TP63: variants seen among roughly 807,000 people sequenced by gnomAD.
TP63 encodes the protein tumor protein p63, also known as tumor protein 63.
TP63 carries 17 observed loss-of-function variants against 82.8 expected under a neutral mutation model. The ratio of observed to expected loss-of-function variants is 0.21; its 90% CI spans 0.14 to 0.31. TP63 has a LOEUF of 0.31. TP63 is among the 10% of genes least tolerant of loss of function. The pLI, the probability that TP63 is intolerant of heterozygous loss-of-function variation, is 1.00. For synonymous variants in TP63, 330 were observed against 321.7 expected, an observed-to-expected ratio of 1.03 and a Z score of -0.28; for missense variants, 648 against 895.3, an observed-to-expected ratio of 0.72 and a Z score of 3.52.
rs1717423544 is a variant in TP63 at position 189,864,342 on chromosome 3, C to G, written c.690C>G (p.Val230=). 6.2e-7 allele frequency: 1 copy of G among 1,614,010 alleles called. No homozygotes were observed. Among genetic ancestry groups the G allele is most frequent in the South Asian group, 1.1e-5 (1 of 91,076 alleles). ...GAGCTGTTATCCGCGCCATGCCTGT[C>G]TACAAAAAAGCTGAGCACGTCACGG... ...PQGAVIRAMP[V]YKKAEHVTEV... is the part of the protein sequence containing the mutation. The change falls in exon 5 of 14, where the codon GTC becomes GTG. Residue 230 remains valine (V), a synonymous_variant. Coordinates refer to ENST00000264731, the MANE Select transcript of TP63 (RefSeq NM_003722.5).
the TP63 span, among the ~76,000 whole-genome samples, chr3:189,610,761 A>G: frequency 2.8e-4 from 42 of 152,248 alleles, no homozygotes; most frequent in African/African-American, 9.4e-4. Flanking sequence ...TACTGTTTTA[A>G]TCCATTTTCA....
At chr3:189,705,738 G>C (rs1264080703) in intron 1 of TP63, among the ~76,000 whole-genome samples, 1 of 152,108 alleles carries the variant, frequency 6.6e-6, no homozygotes, top group Non-Finnish European at 1.5e-5. Context: ...TATTCTCAAG[G>C]GGGGTACACT....
intron 4 of TP63, among the ~76,000 whole-genome samples, chr3:189,816,440 A>G (rs903397397): frequency 6.6e-6 from 1 of 152,158 alleles, no homozygotes; most frequent in African/African-American, 2.4e-5. Context: ...AAGTCTATGC[A>G]ATTGTTCCTA....
At chr3:189,806,040 CTTTTTTTTTTTT>C (rs34836784) in intron 3 of TP63, among the ~76,000 whole-genome samples, 25 of 52,078 alleles carry the variant, frequency 4.8e-4, no homozygotes, top group South Asian at 3.5e-3. Context: ...GAAGCAAACA[CTTTTTTTTTTTT>C]TTTTTTTTTT....
At chr3:189,664,335 A>G (rs748946522) in intron 1 of TP63, among the ~76,000 whole-genome samples, 1 of 152,200 alleles carries the variant, frequency 6.6e-6, no homozygotes, top group Non-Finnish European at 1.5e-5. Flanking sequence ...GAAGGGCAGT[A>G]CTATGCTCAA....
chr3:189,714,400 G>C (rs953640978), intron 1 of TP63, among the ~76,000 whole-genome samples: 1 of 152,138 alleles, frequency 6.6e-6, no homozygotes. Context: ...CCTAAGAACA[G>C]AATATAACCG....
intron 1 of TP63, among the ~76,000 whole-genome samples, chr3:189,711,395 G>A (rs913043879): frequency 1.1e-4 from 17 of 152,272 alleles, no homozygotes; most frequent in African/African-American, 4.1e-4. Context: ...TGTTTACAAT[G>A]ACAACATTAG....
rs1401203192 is a variant in TP63 at position 189,808,358 on chromosome 3, C to G, written c.411C>G (p.Asp137Glu). The G allele has an allele frequency of 1.4e-5, 22 of 1,614,088 alleles. No homozygotes were observed. The highest frequency in any genetic ancestry group is 1.7e-5 in the Non-Finnish European group (20 of 1,180,052). ...GSSSTSPYNTDHAQNSVTAPS... is the reference protein window; with the variant it reads ...GSSSTSPYNTEHAQNSVTAPS... ...CGTCCACCAGTCCCTATAACACAGACCACGCGCAGAACAGCGTCACGGCGC... is the reference window on the plus strand; with the variant it reads ...CGTCCACCAGTCCCTATAACACAGAGCACGCGCAGAACAGCGTCACGGCGC... The change falls in exon 4 of 14, where the codon GAC becomes GAG. Residue 137 changes from aspartate to glutamate, a missense_variant. Transcript: ENST00000264731.
At chr3:189,743,167 A>G (rs760976372) in intron 3 of TP63, among the ~76,000 whole-genome samples, 12 of 152,194 alleles carry the variant, frequency 7.9e-5, no homozygotes, top group Admixed American at 2.6e-4. Context: ...GGAAAAAGAT[A>G]TAGGTAATTC....
intron 1 of TP63, among the ~76,000 whole-genome samples, chr3:189,725,245 G>A (rs1486452869): frequency 1.3e-5 from 2 of 152,112 alleles, no homozygotes; most frequent in African/African-American, 2.4e-5. Context: ...TACTTTGAAT[G>A]TTAAGGAATT....
the TP63 span, among the ~76,000 whole-genome samples, chr3:189,598,300 G>C: frequency 6.6e-6 from 1 of 150,536 alleles, no homozygotes; most frequent in Non-Finnish European, 1.5e-5. Flanking sequence ...GGGACAGCAG[G>C]AGAGGGGAGG....
upstream of TP63, among the ~76,000 whole-genome samples, chr3:189,627,784 G>T (rs1309094714): frequency 1.3e-5 from 2 of 152,080 alleles, no homozygotes; most frequent in Non-Finnish European, 2.9e-5. Context: ...GGGTAATAGG[G>T]TTGTTGGAAT....
chr3:189,800,568 G>T (rs966827823), intron 3 of TP63, among the ~76,000 whole-genome samples: 2 of 151,994 alleles, frequency 1.3e-5, no homozygotes, highest in Admixed American at 6.6e-5. Context: ...AAATGTGAGT[G>T]ATTCCTATTT....
intron 4 of TP63, among the ~76,000 whole-genome samples, chr3:189,813,709 T>C (rs916710311): frequency 2.0e-5 from 3 of 152,130 alleles, no homozygotes; most frequent in Non-Finnish European, 4.4e-5. Context: ...GTCATTGACC[T>C]CAAGGTCTTG....
At chr3:189,839,139 A>T (rs536189961) in intron 4 of TP63, among the ~76,000 whole-genome samples, 2 of 151,728 alleles carry the variant, frequency 1.3e-5, no homozygotes, top group African/African-American at 4.8e-5. Flanking sequence ...TTTGCTACTC[A>T]TTTTCCTCGT....
In TP63 at chr3:189,875,611, T is replaced by TATATATATACACACAC. The variant is rs1270973905; in HGVS notation, c.1349+2625_1349+2626insCACACACATATATATA. The stretch of plus-strand genomic sequence containing the variant: ...ATACATACATATATATATATATATA[T>TATATATATACACACAC]ATATATATATATATATATATATATA... On this transcript the variant is annotated intron_variant, in intron 10 of 13. Coordinates refer to ENST00000264731, the MANE Select transcript of TP63 (RefSeq NM_003722.5). Among the ~76,000 whole-genome samples the TATATATATACACACAC allele has an allele frequency of 2.0e-3, 154 of 77,036 alleles. 6 individuals are homozygous for TATATATATACACACAC. Among genetic ancestry groups the TATATATATACACACAC allele is most frequent in the South Asian group, 7.2e-3 (19 of 2,626 alleles). The allele number at this position is 77,036 out of a possible 152,430, so 50.5% of individuals were successfully genotyped here.
At position 189,814,376 on chromosome 3, in the gene TP63, C is replaced by T. The variant is rs571035997; in HGVS notation, c.579+5850C>T. ...GTCTGAGTCTCATCTGGGGCTTGAT[C>T]TAATCTTACAATTCAGTGGCTGTTA... On this transcript the variant is annotated intron_variant, in intron 4 of 13. Coordinates refer to ENST00000264731, the MANE Select transcript of TP63 (RefSeq NM_003722.5). Among the ~76,000 whole-genome samples the T allele has an allele frequency of 4.6e-5, 7 of 152,304 alleles. No individual in the cohort carries two copies. The South Asian group carries it at 1.5e-3, about 32-fold the overall frequency.
chr3:189,654,584 A>G (rs1199574335), intron 1 of TP63, among the ~76,000 whole-genome samples: 1 of 152,180 alleles, frequency 6.6e-6, no homozygotes, highest in Non-Finnish European at 1.5e-5. Flanking sequence ...TGTATTACCA[A>G]TGTTTACCTT....
At chr3:189,690,194 T>C (rs1312342258) in intron 1 of TP63, among the ~76,000 whole-genome samples, 3 of 152,302 alleles carry the variant, frequency 2.0e-5, no homozygotes, top group African/African-American at 7.2e-5. Context: ...TATCATGCTT[T>C]CTACTAGGTG....
Sources: gnomAD v4.1 joint callset for allele counts (sites outside exome capture counted in the v4.1 genomes callset) on GRCh38, gnomAD v4.1.1 for gene constraint, MANE v1.5 for transcripts, NCBI Gene and HGNC (gene_info 2026-07-23, HGNC 2026-07-21) for gene names.